TMEM135: variants seen among roughly 807,000 people sequenced by gnomAD.
The protein encoded by TMEM135 is peroxisomal membrane protein 52.
A neutral mutation model predicts 60.3 loss-of-function variants in TMEM135; 30 were observed. That is an observed-to-expected ratio of 0.50 (90% CI 0.37 to 0.68). The LOEUF (loss-of-function observed/expected upper bound fraction) is 0.68. Among genes scored for constraint, TMEM135 ranks in the 30% least tolerant of loss-of-function variants. TMEM135 has a pLI of 0.00. For synonymous variants in TMEM135, 190 were observed against 186.7 expected (o/e 1.02, Z -0.14); for missense variants, 468 against 548.8 (o/e 0.85, Z 1.47).
At chr11:87,153,806 A>C (rs1187434917) in intron 4 of TMEM135, among the ~76,000 whole-genome samples, 1 of 152,168 alleles carries the variant, frequency 6.6e-6, no homozygotes, top group Non-Finnish European at 1.5e-5. Context: ...TAACCAATCA[A>C]TATCCTTTTC....
At position 87,223,667 on chromosome 11, in the gene TMEM135, GCACA is replaced by G. The variant is rs113588295; in HGVS notation, c.463-12944_463-12941del. On this transcript the variant is annotated intron_variant, in intron 5 of 14. Transcript: ENST00000305494. ...CTCTACTAAAAATACGCACATGCACGCACACACACACACACACACACACACACAC... is the reference window on the plus strand; with the variant it reads ...CTCTACTAAAAATACGCACATGCACGCACACACACACACACACACACACAC... Among the ~76,000 whole-genome samples, 563 of 118,432 alleles carry G rather than the reference GCACA, an allele frequency of 4.8e-3. 1 individual carries two copies. The highest frequency in any genetic ancestry group is 9.6e-3 in the Middle Eastern group (2 of 208). 77.7% of individuals were successfully genotyped at this position (118,432 alleles called of 152,430 possible). A position where few individuals can be genotyped will look rare whatever the true frequency, so the allele number is the denominator to read the frequency against.
intron 5 of TMEM135, among the ~76,000 whole-genome samples, chr11:87,198,754 T>C (rs968121249): frequency 6.6e-6 from 1 of 151,864 alleles, no homozygotes; most frequent in African/African-American, 2.4e-5. Context: ...ACATGTACCA[T>C]GTAAAGGCAC....
intron 5 of TMEM135, among the ~76,000 whole-genome samples, chr11:87,216,786 A>G (rs1403930006): frequency 1.3e-5 from 2 of 152,222 alleles, no homozygotes; most frequent in Non-Finnish European, 2.9e-5. Flanking sequence ...ATATTTTCCA[A>G]TTGAGGGATT....
At chr11:87,245,784 A>C (rs1388593950) in intron 6 of TMEM135, among the ~76,000 whole-genome samples, 2 of 103,282 alleles carry the variant, frequency 1.9e-5, no homozygotes, top group African/African-American at 7.6e-5. Flanking sequence ...CAGCACACTG[A>C]TGGGTCTTGA....
In TMEM135 at chr11:87,323,662, TG is replaced by T. The variant is rs1406730178; in HGVS notation, c.*2333del. ...GATTGAGATTGAAAAACCGTGCATT[TG>T]GGGCAGTGGTATTATGGTCATTTCG... is the stretch of plus-strand genomic sequence containing the variant. On this transcript the variant is annotated 3_prime_UTR_variant, in exon 15 of 15. Coordinates refer to ENST00000305494, the MANE Select transcript of TMEM135 (RefSeq NM_022918.4). 1 of 453,710 alleles carries T rather than the reference TG, an allele frequency of 2.2e-6. No homozygotes were observed. Among genetic ancestry groups the T allele is most frequent in the African/African-American group, 2.0e-5 (1 of 50,086 alleles). 28.1% of individuals were successfully genotyped at this position (453,710 alleles called of 1,614,324 possible). A position where few individuals can be genotyped will look rare whatever the true frequency, so the allele number is the denominator to read the frequency against.
At chr11:87,072,283 GT>G (rs895855742) in intron 3 of TMEM135, among the ~76,000 whole-genome samples, 22 of 152,058 alleles carry the variant, frequency 1.4e-4, no homozygotes, top group African/African-American at 5.1e-4. Flanking sequence ...ATTAACAATA[GT>G]TTTTTATTAT....
At chr11:87,233,935 A>C (rs1940940858) in intron 5 of TMEM135, among the ~76,000 whole-genome samples, 1 of 152,146 alleles carries the variant, frequency 6.6e-6, no homozygotes, top group South Asian at 2.1e-4. Flanking sequence ...CTGTGGATTT[A>C]GATTTATTTG....
Position 87,228,351 on chromosome 11 carries a change from A to G in TMEM135, c.463-8287A>G, listed in dbSNP as rs970643335. 1.1e-4 allele frequency among the ~76,000 whole-genome samples: 17 copies of G among 152,176 alleles called. 1 individual carries two copies. Among genetic ancestry groups the G allele is most frequent in the African/African-American group, 3.4e-4 (14 of 41,448 alleles). On this transcript the variant is annotated intron_variant, in intron 5 of 14. Transcript: ENST00000305494. ...CTGAATCCGGAGCTTACCTTTCTAC[A>G]TCTGTCTCCTTTCAAGTTGCAGAGT... is the stretch of plus-strand genomic sequence containing the variant.
chr11:87,057,422 GT>G (rs371004942), intron 1 of TMEM135, among the ~76,000 whole-genome samples: 17 of 152,148 alleles, frequency 1.1e-4, no homozygotes, highest in African/African-American at 2.6e-4. Context: ...TGGCTTTCTT[GT>G]TTTGTTTTTA....
chr11:87,197,369 A>G (rs911959530), intron 5 of TMEM135, among the ~76,000 whole-genome samples: 17 of 152,138 alleles, frequency 1.1e-4, no homozygotes, highest in Non-Finnish European at 1.8e-4. Context: ...ATGAAGTAGT[A>G]TAAATGGAAA....
At chr11:87,089,798 A>T (rs1857168749) in intron 3 of TMEM135, among the ~76,000 whole-genome samples, 1 of 152,118 alleles carries the variant, frequency 6.6e-6, no homozygotes, top group Non-Finnish European at 1.5e-5. Flanking sequence ...TTTGATTTAG[A>T]ATTTGGTGGG....
At chr11:87,134,681 T>C (rs1189655939) in intron 4 of TMEM135, among the ~76,000 whole-genome samples, 2 of 152,196 alleles carry the variant, frequency 1.3e-5, no homozygotes, top group African/African-American at 4.8e-5. Flanking sequence ...GGTGGGGTTC[T>C]CACTATGTTG....
chr11:87,192,365 T>G (rs1939828827), intron 5 of TMEM135, among the ~76,000 whole-genome samples: 1 of 152,162 alleles, frequency 6.6e-6, no homozygotes, highest in Admixed American at 6.5e-5. Flanking sequence ...TTAGGTTAAA[T>G]TTTAAAGACA....
chr11:87,281,906 T>C (rs1942066476), intron 6 of TMEM135, among the ~76,000 whole-genome samples: 1 of 152,276 alleles, frequency 6.6e-6, no homozygotes, highest in Non-Finnish European at 1.5e-5. Context: ...AGCTAACTCT[T>C]GTTTGACATG....
chr11:87,304,759 C>A (rs550414291), intron 8 of TMEM135, among the ~76,000 whole-genome samples: 2 of 152,260 alleles, frequency 1.3e-5, no homozygotes, highest in East Asian at 3.9e-4. Flanking sequence ...TTGTTATAAA[C>A]AGGAAAACAT....
At chr11:87,064,835 A>G (rs979400287) in intron 1 of TMEM135, among the ~76,000 whole-genome samples, 1 of 152,198 alleles carries the variant, frequency 6.6e-6, no homozygotes, top group African/African-American at 2.4e-5. Context: ...CAGTGAGTTG[A>G]GATCATGCCA....
At chr11:87,150,237 A>AAG (rs1938524043) in intron 4 of TMEM135, among the ~76,000 whole-genome samples, 3 of 144,942 alleles carry the variant, frequency 2.1e-5, no homozygotes, top group Non-Finnish European at 4.5e-5. Context: ...AAAAAAAAAG[A>AAG]AAAAAAGTGA....
chr11:87,110,036 C>T (rs1355362162), intron 4 of TMEM135, among the ~76,000 whole-genome samples: 6 of 152,086 alleles, frequency 3.9e-5, no homozygotes, highest in Non-Finnish European at 8.8e-5. Flanking sequence ...TTTTATGTTA[C>T]TCCAGATTTT....
chr11:87,118,869 T>G (rs1227281907), intron 4 of TMEM135, among the ~76,000 whole-genome samples: 1 of 152,212 alleles, frequency 6.6e-6, no homozygotes, highest in Non-Finnish European at 1.5e-5. Context: ...TTCCTCACCT[T>G]TCTCAGCCTT....
Sources: allele counts gnomAD v4.1 joint callset (sites outside exome capture counted in the v4.1 genomes callset), GRCh38; gene constraint gnomAD v4.1.1; transcripts MANE v1.5; gene names NCBI Gene and HGNC (gene_info 2026-07-23, HGNC 2026-07-21).